Variants in KCNN2 observed in about 807,000 individuals in gnomAD.
The protein encoded by KCNN2 is potassium calcium-activated channel subfamily N member 2, also known as small conductance calcium-activated potassium channel protein 2.
A neutral mutation model predicts 55.5 loss-of-function variants in KCNN2; 24 were observed. That is an observed-to-expected ratio of 0.43 (90% CI 0.31 to 0.61). The LOEUF (loss-of-function observed/expected upper bound fraction) is 0.61. Ranked by LOEUF, KCNN2 falls within the 20% of genes least tolerant of loss-of-function variation. The pLI, the probability that KCNN2 is intolerant of heterozygous loss-of-function variation, is 0.08. For synonymous variants in KCNN2, 431 were observed against 336.1 expected, an observed-to-expected ratio of 1.28 and a Z score of -3.09; for missense variants, 754 against 853.6, an observed-to-expected ratio of 0.88 and a Z score of 1.45.
intron 3 of KCNN2, among the ~76,000 whole-genome samples, chr5:114,452,831 C>T (rs1232825224): frequency 2.6e-5 from 4 of 152,174 alleles, no homozygotes; most frequent in Admixed American, 2.6e-4. Context: ...GAGCCATTGG[C>T]AGTAAGCTCT....
intron 2 of KCNN2, among the ~76,000 whole-genome samples, chr5:114,330,322 A>G (rs1392858649): frequency 3.9e-5 from 6 of 152,162 alleles, no homozygotes; most frequent in African/African-American, 4.8e-5. Context: ...TCACATGTAC[A>G]CACTCATTCC....
At chr5:114,445,943 T>C (rs1760388378) in intron 3 of KCNN2, among the ~76,000 whole-genome samples, 1 of 152,152 alleles carries the variant, frequency 6.6e-6, no homozygotes, top group South Asian at 2.1e-4. Context: ...TCACGGGAAG[T>C]GACCAGCATA....
chr5:114,202,822 G>A (rs183461750), intron 1 of KCNN2, among the ~76,000 whole-genome samples: 2 of 151,988 alleles, frequency 1.3e-5, no homozygotes, highest in African/African-American at 2.4e-5. Flanking sequence ...TCCTGACCTC[G>A]TGATCTGCCT....
At chr5:114,280,825 T>A (rs888282386) in intron 2 of KCNN2, among the ~76,000 whole-genome samples, 68 of 152,274 alleles carry the variant, frequency 4.5e-4, no homozygotes, top group African/African-American at 1.6e-3. Flanking sequence ...TATAATCACT[T>A]TTAAAATAAA....
At chr5:114,155,774 A>T (rs1207832655) in intron 1 of KCNN2, among the ~76,000 whole-genome samples, 1 of 152,146 alleles carries the variant, frequency 6.6e-6, no homozygotes, top group Non-Finnish European at 1.5e-5. Flanking sequence ...GAGATGCTGG[A>T]TATTAGACCT....
intron 1 of KCNN2, among the ~76,000 whole-genome samples, chr5:114,069,621 ATAG>A (rs1310760050): frequency 6.6e-6 from 1 of 152,212 alleles, no homozygotes; most frequent in African/African-American, 2.4e-5. Context: ...TTTTCCAGGT[ATAG>A]GACGAAAGTC....
At chr5:114,471,259 A>G (rs1236731301) in intron 4 of KCNN2, among the ~76,000 whole-genome samples, 1 of 152,156 alleles carries the variant, frequency 6.6e-6, no homozygotes, top group African/African-American at 2.4e-5. Context: ...TCCTTTATAA[A>G]ATAGTGTATT....
At chr5:114,071,853 GT>G (rs1167921438) in intron 1 of KCNN2, among the ~76,000 whole-genome samples, 1 of 152,226 alleles carries the variant, frequency 6.6e-6, no homozygotes, top group Non-Finnish European at 1.5e-5. Flanking sequence ...AAGTTCACAT[GT>G]TGCAAACTTA....
intron 1 of KCNN2, among the ~76,000 whole-genome samples, chr5:114,189,772 A>G (rs1228355993): frequency 6.6e-6 from 1 of 152,188 alleles, no homozygotes; most frequent in South Asian, 2.1e-4. Context: ...GTAGTATAGA[A>G]CAGAGAATCC....
chr5:114,234,681 T>G (rs1754437069), intron 2 of KCNN2, among the ~76,000 whole-genome samples: 1 of 151,574 alleles, frequency 6.6e-6, no homozygotes, highest in Admixed American at 6.6e-5. Flanking sequence ...AAACGGGAGG[T>G]GGAGAGTGGA....
intron 1 of KCNN2, among the ~76,000 whole-genome samples, chr5:114,184,813 A>G (rs1753299953): frequency 6.6e-6 from 1 of 152,194 alleles, no homozygotes; most frequent in African/African-American, 2.4e-5. Flanking sequence ...CTGAGGTTTC[A>G]GATTATCCCT....
intron 2 of KCNN2, among the ~76,000 whole-genome samples, chr5:114,231,830 C>G (rs1405564273): frequency 6.8e-6 from 1 of 146,490 alleles, no homozygotes; most frequent in Non-Finnish European, 1.5e-5. Flanking sequence ...TCTTCAATTT[C>G]TGTCTTCCCA....
intron 1 of KCNN2, among the ~76,000 whole-genome samples, chr5:114,071,856 G>A (rs1477181858): frequency 6.6e-6 from 1 of 152,216 alleles, no homozygotes; most frequent in Admixed American, 6.5e-5. Flanking sequence ...TTCACATGTT[G>A]CAAACTTAAT....
chr5:114,478,638 G>C lies in KCNN2; in HGVS notation c.1890+5474G>C, dbSNP rs548766594. Among the ~76,000 whole-genome samples, 14 of 151,814 alleles carry C rather than the reference G, an allele frequency of 9.2e-5. No individual in the cohort carries two copies. The East Asian group carries it at 2.3e-3, about 25-fold the overall frequency. On this transcript the variant is annotated intron_variant, in intron 5 of 7. Coordinates refer to ENST00000673685, the MANE Select transcript of KCNN2 (RefSeq NM_021614.4). ...TCAAAATGCAAGAAAAAAAAGTTAA[G>C]GGAAGCCAGAGAGAAAGGCCAGATC...
At chr5:114,455,533 C>T (rs1760878103) in intron 3 of KCNN2, among the ~76,000 whole-genome samples, 1 of 152,240 alleles carries the variant, frequency 6.6e-6, no homozygotes, top group African/African-American at 2.4e-5. Context: ...TAATGACCTA[C>T]AATGGCTTCC....
chr5:114,224,798 G>C (rs1458417697), intron 2 of KCNN2, among the ~76,000 whole-genome samples: 3 of 152,222 alleles, frequency 2.0e-5, no homozygotes, highest in Non-Finnish European at 4.4e-5. Flanking sequence ...AAAGTGAAGA[G>C]TGTAGGCTTT....
At chr5:114,087,811 A>T (rs1046073904) in intron 1 of KCNN2, among the ~76,000 whole-genome samples, 1 of 151,936 alleles carries the variant, frequency 6.6e-6, no homozygotes, top group African/African-American at 2.4e-5. Context: ...AGATTTTAAT[A>T]TTATCTTTAA....
At chr5:114,113,374 G>A (rs1011967165) in intron 1 of KCNN2, among the ~76,000 whole-genome samples, 7 of 151,800 alleles carry the variant, frequency 4.6e-5, no homozygotes, top group Non-Finnish European at 1.0e-4. Flanking sequence ...GCAAAAGAGC[G>A]GTATGTAATC....
chr5:114,381,565 G>T (rs1042869981), intron 2 of KCNN2, among the ~76,000 whole-genome samples: 1 of 152,172 alleles, frequency 6.6e-6, no homozygotes, highest in Non-Finnish European at 1.5e-5. Flanking sequence ...GGGCCCGCTT[G>T]TGTCCCTCCA....
Sources: allele counts gnomAD v4.1 joint callset (sites outside exome capture counted in the v4.1 genomes callset), GRCh38; gene constraint gnomAD v4.1.1; transcripts MANE v1.5; gene names NCBI Gene and HGNC (gene_info 2026-07-23, HGNC 2026-07-21).